The following TPMT variants were observed in gnomAD, a reference collection of about 807,000 sequenced individuals.
TPMT encodes S-adenosyl-L-methionine:thiopurine S-methyltransferase.
TPMT carries 18 observed loss-of-function variants against 34.2 expected under a neutral mutation model. The observed-to-expected ratio is 0.53, with a 90% CI of 0.36 to 0.78. The LOEUF is 0.78. Ranked by LOEUF, TPMT falls within the 30% of genes least tolerant of loss-of-function variation. The pLI is 0.00. For missense variants in TPMT, 265 were observed against 288.1 expected, an observed-to-expected ratio of 0.92 and a Z score of 0.58; for synonymous variants, 69 against 92.4, an observed-to-expected ratio of 0.75 and a Z score of 1.45.
chr6:18,133,777 G>GAAAAAAAAAAAAA, intron 7 of TPMT, 27 bp downstream of exon 7: 1 of 1,348,424 alleles, frequency 7.4e-7, no homozygotes, highest in Non-Finnish European at 1.0e-6. Flanking sequence ...ACTGGTAAAA[G>GAAAAAAAAAAAAA]AAAAAAAAAA....
In TPMT at chr6:18,130,064, A is replaced by G. The variant is rs937121706; in HGVS notation, c.*604T>C. On this transcript the variant is annotated 3_prime_UTR_variant, in exon 9 of 9. Coordinates refer to ENST00000309983, the MANE Select transcript of TPMT (RefSeq NM_000367.5). The surrounding 1 kb of genome is among the most constrained non-coding windows in gnomAD (Gnocchi z 4.2). Reference sequence around the variant, plus strand: ...TTTGGGAGGCCGAGGTGGGTAGATCACCTGAGGTCAGGAGCTCGAGATCAG... The same window carrying G: ...TTTGGGAGGCCGAGGTGGGTAGATCGCCTGAGGTCAGGAGCTCGAGATCAG... The G allele has an allele frequency of 6.5e-6, 1 of 152,786 alleles. No individual in the cohort carries two copies. The highest frequency in any genetic ancestry group is 2.4e-5 in the African/African-American group (1 of 41,428). The allele number at this position is 152,786 out of a possible 1,614,324, so 9.5% of individuals were successfully genotyped here. A position where few individuals can be genotyped will look rare whatever the true frequency, so the allele number is the denominator to read the frequency against.
Position 18,139,274 on chromosome 6 carries a change from G to T in TPMT, c.420-237C>A, listed in dbSNP as rs1012344905. On this transcript the variant is annotated intron_variant, in intron 5 of 8. Transcript: ENST00000309983. The surrounding 1 kb of genome is among the most constrained non-coding windows in gnomAD (Gnocchi z 4.2). ...CTCTGTTATGATTTGGGGACATGAAGAAGGAACAAAGGACAGTGTGCAACA... is the reference window on the plus strand; with the variant it reads ...CTCTGTTATGATTTGGGGACATGAATAAGGAACAAAGGACAGTGTGCAACA... Among the ~76,000 whole-genome samples the T allele has an allele frequency of 6.6e-6, 1 of 152,216 alleles. No homozygotes were observed. The highest frequency in any genetic ancestry group is 1.5e-5 in the Non-Finnish European group (1 of 68,046).
intron 4 of TPMT, among the ~76,000 whole-genome samples, chr6:18,141,123 G>C (rs1784130909): frequency 6.6e-6 from 1 of 152,026 alleles, no homozygotes; most frequent in Admixed American, 6.6e-5. Context: ...ATTGGCCTGG[G>C]GTAAGACCTT....
At position 18,145,130 on chromosome 6, in the gene TPMT, A is replaced by G. The variant is rs1784225015; in HGVS notation, c.234-1402T>C. On this transcript the variant is annotated intron_variant, in intron 3 of 8. Coordinates refer to ENST00000309983, the MANE Select transcript of TPMT (RefSeq NM_000367.5). This position sits in a 1 kb window ranked among gnomAD's most constrained non-coding sequence, Gnocchi z 5.6. ...AGTGAAATAAAAACATAGTTCTGCTATAATGTAACAAGTGCCTTCCTAAAA... is the reference window on the plus strand; with the variant it reads ...AGTGAAATAAAAACATAGTTCTGCTGTAATGTAACAAGTGCCTTCCTAAAA... 6.6e-6 allele frequency among the ~76,000 whole-genome samples: 1 copy of G among 152,204 alleles called. No homozygotes were observed. Among genetic ancestry groups the G allele is most frequent in the Non-Finnish European group, 1.5e-5 (1 of 68,040 alleles).
At position 18,128,715 on chromosome 6, in the gene TPMT, TTTC is replaced by T. The variant is rs1783875627; in HGVS notation, c.*1950_*1952del. The T allele has an allele frequency of 6.6e-6, 1 of 152,266 alleles. No homozygotes were observed. Among genetic ancestry groups the T allele is most frequent in the African/African-American group, 2.4e-5 (1 of 41,130 alleles). 9.4% of individuals were successfully genotyped at this position (152,266 alleles called of 1,614,324 possible). A position where few individuals can be genotyped will look rare whatever the true frequency, so the allele number is the denominator to read the frequency against. ...CAGCAGTCAACTTGCCTTTCTTTTT[TTTC>T]TTTTCTTTTTCTTTCTTTTGAGACA... is the stretch of plus-strand genomic sequence containing the variant. On this transcript the variant is annotated 3_prime_UTR_variant, in exon 9 of 9. Coordinates refer to ENST00000309983, the MANE Select transcript of TPMT (RefSeq NM_000367.5). This position sits in a 1 kb window ranked among gnomAD's most constrained non-coding sequence, Gnocchi z 4.6.
chr6:18,151,972 T>C (rs1784362468), intron 1 of TPMT, among the ~76,000 whole-genome samples: 1 of 152,188 alleles, frequency 6.6e-6, no homozygotes, highest in Non-Finnish European at 1.5e-5. Context: ...CTTCTCAGTC[T>C]AGACAGACAC....
Position 18,143,484 on chromosome 6 carries a change from T to C in TPMT, c.366+112A>G. On this transcript the variant is annotated intron_variant, in intron 4 of 8. Transcript: ENST00000309983. The surrounding 1 kb of genome is among the most constrained non-coding windows in gnomAD (Gnocchi z 6.1). The stretch of plus-strand genomic sequence containing the variant: ...TACTATATAGTATCTACAGTGAATC[T>C]GCGTGCTAAATAGGAACCATCGGAC... 7.2e-7 allele frequency: 1 copy of C among 1,387,748 alleles called. No individual in the cohort carries two copies. The highest frequency in any genetic ancestry group is 1.0e-6 in the Non-Finnish European group (1 of 986,524). 86.0% of individuals were successfully genotyped at this position (1,387,748 alleles called of 1,614,324 possible).
chr6:18,131,158 T>C lies in TPMT; in HGVS notation c.626-378A>G, dbSNP rs1256247105. ...CATCTCAAAACAAACAAACAAAACC[T>C]TGAAATTATTTTAAAAACAGTGTAC... is the stretch of plus-strand genomic sequence containing the variant. On this transcript the variant is annotated intron_variant, in intron 8 of 8. Coordinates refer to ENST00000309983, the MANE Select transcript of TPMT (RefSeq NM_000367.5). The surrounding 1 kb of genome is among the most constrained non-coding windows in gnomAD (Gnocchi z 4.3). 6.6e-6 allele frequency among the ~76,000 whole-genome samples: 1 copy of C among 152,120 alleles called. No homozygotes were observed. Among genetic ancestry groups the C allele is most frequent in the East Asian group, 1.9e-4 (1 of 5,176 alleles).
At chr6:18,137,206 C>T (rs915561622) in intron 6 of TPMT, among the ~76,000 whole-genome samples, 3 of 151,816 alleles carry the variant, frequency 2.0e-5, no homozygotes, top group Non-Finnish European at 4.4e-5. Flanking sequence ...GGCACAATCT[C>T]GGCTCACTGC....
At chr6:18,147,616 C>T (rs1255948649) in intron 3 of TPMT, among the ~76,000 whole-genome samples, 1 of 152,196 alleles carries the variant, frequency 6.6e-6, no homozygotes, top group East Asian at 1.9e-4. Context: ...AATTTCAAAA[C>T]TCAATCCAGA....
Position 18,153,375 on chromosome 6 carries a change from A to C in TPMT, c.-45+1658T>G, listed in dbSNP as rs765362660. On this transcript the variant is annotated intron_variant, in intron 1 of 8. Transcript: ENST00000309983. The surrounding 1 kb of genome is among the most constrained non-coding windows in gnomAD (Gnocchi z 4.2). ...TGTCAACTCTGCAATATTAAGGACA[A>C]TATAACACCATTATTCTAACATTCC... 1.3e-5 allele frequency among the ~76,000 whole-genome samples: 2 copies of C among 152,270 alleles called. No homozygotes were observed. The highest frequency in any genetic ancestry group is 6.5e-5 in the Admixed American group (1 of 15,288).
rs925977182 is a variant in TPMT at position 18,143,275 on chromosome 6, C to A, written c.366+321G>T. Among the ~76,000 whole-genome samples the A allele has an allele frequency of 6.6e-6, 1 of 152,114 alleles. No homozygotes were observed. Among genetic ancestry groups the A allele is most frequent in the African/African-American group, 2.4e-5 (1 of 41,410 alleles). On this transcript the variant is annotated intron_variant, in intron 4 of 8. Coordinates refer to ENST00000309983, the MANE Select transcript of TPMT (RefSeq NM_000367.5). This position sits in a 1 kb window ranked among gnomAD's most constrained non-coding sequence, Gnocchi z 6.1. Reference sequence around the variant, plus strand: ...GAGTGAGGGGGGTGTGCTGTGTTATCTTTATCTCTTCAATGTCTTAGGCAG... The same window carrying A: ...GAGTGAGGGGGGTGTGCTGTGTTATATTTATCTCTTCAATGTCTTAGGCAG...
Position 18,154,517 on chromosome 6 carries a change from A to G in TPMT, c.-45+516T>C, listed in dbSNP as rs1475392035. On this transcript the variant is annotated intron_variant, in intron 1 of 8. Transcript: ENST00000309983. This position sits in a 1 kb window ranked among gnomAD's most constrained non-coding sequence, Gnocchi z 4.2. ...CAGCACCCCAGTTTCCCACATCACC[A>G]GGGATCACTCACTATTTGGCAGTAC... Among the ~76,000 whole-genome samples, 10 of 152,278 alleles carry G rather than the reference A, an allele frequency of 6.6e-5. No homozygotes were observed. In the South Asian group the frequency reaches 2.1e-3, roughly 32 times the overall value.
chr6:18,146,201 G>A lies in TPMT; in HGVS notation c.233+1622C>T, dbSNP rs1306269191. On this transcript the variant is annotated intron_variant, in intron 3 of 8. Coordinates refer to ENST00000309983, the MANE Select transcript of TPMT (RefSeq NM_000367.5). The surrounding 1 kb of genome is among the most constrained non-coding windows in gnomAD (Gnocchi z 6.2). Reference sequence around the variant, plus strand: ...TATACATAAAAATAACTGTATTTACGTATATATACATATATATATATTTTT... The same window carrying A: ...TATACATAAAAATAACTGTATTTACATATATATACATATATATATATTTTT... Among the ~76,000 whole-genome samples the A allele has an allele frequency of 2.6e-5, 4 of 151,312 alleles. No homozygotes were observed. Among genetic ancestry groups the A allele is most frequent in the Non-Finnish European group, 4.4e-5 (3 of 67,904 alleles).
rs1784079406 is a variant in TPMT, at chr6:18,138,206, A to G, written c.494+757T>C. ...AGTTTCCTCATCTGTATAATGGAAT[A>G]GTAGCTTATACCTTACAGAATTAAA... On this transcript the variant is annotated intron_variant, in intron 6 of 8. Coordinates refer to ENST00000309983, the MANE Select transcript of TPMT (RefSeq NM_000367.5). This position sits in a 1 kb window ranked among gnomAD's most constrained non-coding sequence, Gnocchi z 4.1. Among the ~76,000 whole-genome samples, 1 of 152,048 alleles carries G rather than the reference A, an allele frequency of 6.6e-6. No individual in the cohort carries two copies. The highest frequency in any genetic ancestry group is 6.6e-5 in the Admixed American group (1 of 15,252).
In TPMT at chr6:18,147,901, T is replaced by C. The variant is rs752440908; in HGVS notation, c.155A>G (p.His52Arg). The C allele has an allele frequency of 9.3e-6, 15 of 1,613,506 alleles. 1 individual carries two copies. In the South Asian group the frequency reaches 1.6e-4, roughly 18 times the overall value. The change falls in exon 3 of 9, where the codon CAT becomes CGT. Residue 52 changes from histidine to arginine, a missense_variant. Transcript: ENST00000309983. ...CTTGCCTTTAAGGAAAGTATCTAAA[T>C]GCTTCTTTAATAGCCTGAAGAGGAA... ...QEQGHQLLKK[H>R]LDTFLKGKSG...
intron 4 of TPMT, among the ~76,000 whole-genome samples, chr6:18,142,901 C>T (rs1784170556): frequency 6.6e-6 from 1 of 152,100 alleles, no homozygotes; most frequent in African/African-American, 2.4e-5. Flanking sequence ...CCTAACCACT[C>T]TCTATGCCCC....
intron 6 of TPMT, among the ~76,000 whole-genome samples, chr6:18,137,713 T>C (rs1053401295): frequency 1.7e-4 from 26 of 152,244 alleles, no homozygotes; most frequent in African/African-American, 6.3e-4. Flanking sequence ...ATTTCCTACA[T>C]ATTTCATTTC....
At position 18,154,931 on chromosome 6, in the gene TPMT, T is replaced by C. The variant is rs1784456773; in HGVS notation, c.-45+102A>G. On this transcript the variant is annotated intron_variant, in intron 1 of 8. Coordinates refer to ENST00000309983, the MANE Select transcript of TPMT (RefSeq NM_000367.5). This position sits in a 1 kb window ranked among gnomAD's most constrained non-coding sequence, Gnocchi z 4.2. ...CTTCACAGGGCTGATTGCTAGGCTGTCTACGCTTGTAAGAATTCCTGGGAG... is the reference window on the plus strand; with the variant it reads ...CTTCACAGGGCTGATTGCTAGGCTGCCTACGCTTGTAAGAATTCCTGGGAG... 6.6e-6 allele frequency: 1 copy of C among 152,318 alleles called. No individual in the cohort carries two copies. 9.4% of individuals were successfully genotyped at this position (152,318 alleles called of 1,614,324 possible).
Sources: allele counts gnomAD v4.1 joint callset (sites outside exome capture counted in the v4.1 genomes callset), GRCh38; gene constraint gnomAD v4.1.1; non-coding constraint Gnocchi (gnomAD v3.1); transcripts MANE v1.5; gene names NCBI Gene and HGNC (gene_info 2026-07-23, HGNC 2026-07-21).